SGCG: variants seen among roughly 807,000 people sequenced by gnomAD.
SGCG encodes the protein gamma-sarcoglycan.
A neutral mutation model predicts 29.3 loss-of-function variants in SGCG; 26 were observed. That is an observed-to-expected ratio of 0.89 (90% CI 0.65 to 1.23). The LOEUF (loss-of-function observed/expected upper bound fraction) is 1.23. Among genes scored for constraint, SGCG ranks in the 50% most tolerant of loss-of-function variants. The pLI is 0.00. For missense variants in SGCG, 353 were observed against 356.0 expected, an observed-to-expected ratio of 0.99 and a Z score of 0.07; for synonymous variants, 145 against 129.7, an observed-to-expected ratio of 1.12 and a Z score of -0.80.
At chr13:23,291,656 C>T (rs1881709662) in intron 5 of SGCG, among the ~76,000 whole-genome samples, 1 of 152,142 alleles carries the variant, frequency 6.6e-6, no homozygotes, top group Non-Finnish European at 1.5e-5. Flanking sequence ...TTATATCTCC[C>T]TGTAAGTACA....
chr13:23,294,219 G>A (rs984253252), intron 5 of SGCG, among the ~76,000 whole-genome samples: 1 of 152,106 alleles, frequency 6.6e-6, no homozygotes, highest in Non-Finnish European at 1.5e-5. Context: ...GGCAGGGCAG[G>A]GCCTAAGATA....
chr13:23,189,562 T>C (rs1877156629), intron 1 of SGCG, among the ~76,000 whole-genome samples: 1 of 152,244 alleles, frequency 6.6e-6, no homozygotes, highest in African/African-American at 2.4e-5. Flanking sequence ...TCCTGTAGAA[T>C]AACAATTAAA....
At chr13:23,286,257 T>C (rs1881492364) in intron 5 of SGCG, among the ~76,000 whole-genome samples, 1 of 152,132 alleles carries the variant, frequency 6.6e-6, no homozygotes, top group African/African-American at 2.4e-5. Flanking sequence ...CAGATGCAAA[T>C]TGATCGTGAA....
At chr13:23,266,456 A>T (rs1420660917) in intron 4 of SGCG, among the ~76,000 whole-genome samples, 1 of 152,146 alleles carries the variant, frequency 6.6e-6, no homozygotes, top group Non-Finnish European at 1.5e-5. Flanking sequence ...CAAAAATCGA[A>T]TGCCACATGT....
At chr13:23,241,836 T>G (rs1324979787) in intron 3 of SGCG, among the ~76,000 whole-genome samples, 2 of 152,156 alleles carry the variant, frequency 1.3e-5, no homozygotes, top group Non-Finnish European at 2.9e-5. Flanking sequence ...ACAAAAACCA[T>G]TTGGTCATCT....
chr13:23,270,615 T>C (rs1413618582), intron 4 of SGCG, among the ~76,000 whole-genome samples: 1 of 152,208 alleles, frequency 6.6e-6, no homozygotes, highest in East Asian at 1.9e-4. Flanking sequence ...GATTTTTCTA[T>C]CCAATTTTTA....
At chr13:23,214,754 A>G (rs1878361228) in intron 2 of SGCG, among the ~76,000 whole-genome samples, 1 of 152,324 alleles carries the variant, frequency 6.6e-6, no homozygotes. Flanking sequence ...GAATGGAACT[A>G]TGATTAAAAG....
At chr13:23,269,334 CAG>C (rs1160658504) in intron 4 of SGCG, among the ~76,000 whole-genome samples, 3 of 152,200 alleles carry the variant, frequency 2.0e-5, no homozygotes, top group African/African-American at 4.8e-5. Flanking sequence ...CAGGATAACA[CAG>C]TGGCTATTTT....
At chr13:23,193,077 A>G (rs1877341667) in intron 1 of SGCG, among the ~76,000 whole-genome samples, 1 of 152,246 alleles carries the variant, frequency 6.6e-6, no homozygotes, top group South Asian at 2.1e-4. Flanking sequence ...GGACAAGAGC[A>G]GGTGTTTATG....
At chr13:23,320,820 T>G (rs147875973) in intron 7 of SGCG, 60 bp downstream of exon 7, 7 of 1,531,708 alleles carry the variant, frequency 4.6e-6, no homozygotes, top group Non-Finnish European at 6.3e-6. Context: ...CTGAGTACCA[T>G]GTCTGTAAAG....
rs1800350 is a variant in SGCG at position 23,234,643 on chromosome 13, T to C, written c.228T>C (p.Asp76=). ...AGMGHLCVTK[D]GLRLEGESEF... ...TGGGCCACTTGTGTGTAACAAAAGA[T>C]GGACTGCGCTTGGAAGGGGAATCAG... The change falls in exon 3 of 8, where the codon GAT becomes GAC. Residue 76 remains aspartate (D), a synonymous_variant. Transcript: ENST00000218867. 0.12 allele frequency: 194,711 copies of C among 1,610,324 alleles called. 13,336 individuals are homozygous for C. The highest frequency in any genetic ancestry group is 0.25 in the African/African-American group (18,679 of 74,762).
At chr13:23,168,562 A>G in the SGCG span, among the ~76,000 whole-genome samples, 2 of 152,202 alleles carry the variant, frequency 1.3e-5, no homozygotes, top group Non-Finnish European at 2.9e-5. Flanking sequence ...GCTTCTCAGT[A>G]CAGGCTTGAG....
intron 6 of SGCG, among the ~76,000 whole-genome samples, chr13:23,301,673 G>C (rs1428454797): frequency 6.6e-6 from 1 of 152,170 alleles, no homozygotes; most frequent in Non-Finnish European, 1.5e-5. Flanking sequence ...GATTACCTGA[G>C]GTCGGGAGTT....
intron 1 of SGCG, among the ~76,000 whole-genome samples, chr13:23,202,124 T>C (rs1208441323): frequency 6.6e-6 from 1 of 152,176 alleles, no homozygotes; most frequent in Non-Finnish European, 1.5e-5. Context: ...TTCAGTCTTG[T>C]GAGCAAAGGA....
At chr13:23,302,416 A>C (rs1049540602) in intron 6 of SGCG, among the ~76,000 whole-genome samples, 6 of 151,982 alleles carry the variant, frequency 3.9e-5, no homozygotes, top group Non-Finnish European at 7.4e-5. Flanking sequence ...TATTCTTCCT[A>C]TGTAAGTTGT....
intron 1 of SGCG, among the ~76,000 whole-genome samples, chr13:23,186,424 G>A (rs1876975366): frequency 6.6e-6 from 1 of 152,166 alleles, no homozygotes; most frequent in South Asian, 2.1e-4. Flanking sequence ...AGATGACTGG[G>A]ACTCACATTG....
intron 4 of SGCG, among the ~76,000 whole-genome samples, chr13:23,252,891 T>C (rs1880031020): frequency 6.6e-6 from 1 of 152,118 alleles, no homozygotes; most frequent in South Asian, 2.1e-4. Flanking sequence ...AGCTAGTTAG[T>C]AGAGAAGTCA....
rs112782951 is a variant in SGCG, at chr13:23,188,999, G to T, written c.-1+7924G>T. On this transcript the variant is annotated intron_variant, in intron 1 of 7. Transcript: ENST00000218867. ...GATTGGTGAATTAAATGGGAATATG[G>T]TGGAGACCACTAACCTTTTGTTCTT... is the stretch of plus-strand genomic sequence containing the variant. Among the ~76,000 whole-genome samples the T allele has an allele frequency of 7.8e-3, 1,190 of 152,292 alleles. 8 individuals carry two copies. Among genetic ancestry groups the T allele is most frequent in the Non-Finnish European group, 0.011 (740 of 68,024 alleles).
At chr13:23,194,540 G>A (rs1167383121) in intron 1 of SGCG, among the ~76,000 whole-genome samples, 2 of 152,178 alleles carry the variant, frequency 1.3e-5, no homozygotes, top group Non-Finnish European at 2.9e-5. Flanking sequence ...CTCTCTCCAA[G>A]TGGCGGAGGG....
Sources: allele counts gnomAD v4.1 joint callset (sites outside exome capture counted in the v4.1 genomes callset), GRCh38; gene constraint gnomAD v4.1.1; transcripts MANE v1.5; gene names NCBI Gene and HGNC (gene_info 2026-07-23, HGNC 2026-07-21).